Variants in TXNRD1 observed in about 807,000 individuals in gnomAD.
TXNRD1 encodes thioredoxin reductase 1, cytoplasmic.
Under a neutral mutation model 80.3 loss-of-function variants are expected in TXNRD1, and 57 were observed. The ratio of observed to expected loss-of-function variants is 0.71; its 90% CI spans 0.57 to 0.89. The LOEUF is 0.89. Among genes scored for constraint, TXNRD1 ranks in the 40% least tolerant of loss-of-function variants. The pLI is 0.00. For synonymous variants in TXNRD1, 291 were observed against 285.2 expected, an observed-to-expected ratio of 1.02 and a Z score of -0.20; for missense variants, 730 against 803.0, an observed-to-expected ratio of 0.91 and a Z score of 1.10.
At chr12:104,334,916 G>A (rs893987726) in intron 15 of TXNRD1, among the ~76,000 whole-genome samples, 1 of 151,976 alleles carries the variant, frequency 6.6e-6, no homozygotes, top group Non-Finnish European at 1.5e-5. Flanking sequence ...TATAGAAGAG[G>A]AACAATAAAG....
At chr12:104,286,586 G>GT (rs78816548) in intron 3 of TXNRD1, 4,737 of 314,312 alleles carry the variant, frequency 0.015, 3 homozygotes, top group Non-Finnish European at 0.019. Context: ...CACCTTTGGA[G>GT]TTTTTTTTTT....
chr12:104,230,760 TG>T (rs2135682947), intron 1 of TXNRD1, among the ~76,000 whole-genome samples: 1 of 152,220 alleles, frequency 6.6e-6, no homozygotes, highest in African/African-American at 2.4e-5. Context: ...AAACCCTGTG[TG>T]GGGCAGAAAA....
intron 16 of TXNRD1, among the ~76,000 whole-genome samples, chr12:104,340,901 G>A (rs4964784): frequency 0.91 from 137,957 of 152,196 alleles, 62,783 homozygotes; most frequent in African/African-American, 0.98. Context: ...AGCTTCAATA[G>A]CCATTTTTGA....
chr12:104,281,641 C>T (rs377129923), intron 3 of TXNRD1, among the ~76,000 whole-genome samples: 2 of 152,052 alleles, frequency 1.3e-5, no homozygotes, highest in African/African-American at 2.4e-5. Flanking sequence ...CTCCTGACCT[C>T]GTGATCCGCC....
At chr12:104,250,894 C>T (rs2033104582) in intron 1 of TXNRD1, among the ~76,000 whole-genome samples, 1 of 152,076 alleles carries the variant, frequency 6.6e-6, no homozygotes, top group African/African-American at 2.4e-5. Flanking sequence ...TGATGATGCC[C>T]AGGATGACAG....
chr12:104,283,639 G>A (rs1393675205), intron 3 of TXNRD1, among the ~76,000 whole-genome samples: 1 of 152,030 alleles, frequency 6.6e-6, no homozygotes, highest in Non-Finnish European at 1.5e-5. Context: ...GGGAGGCCGA[G>A]GCAGGCGGAT....
chr12:104,327,473 TAATG>T (rs1291011761), intron 12 of TXNRD1, 38 bp from the exon 13 acceptor site: 1 of 1,569,060 alleles, frequency 6.4e-7, no homozygotes, highest in South Asian at 1.2e-5. Context: ...CCTTAATTAA[TAATG>T]GTAATTAATG....
rs1275958595 is a variant in TXNRD1, at chr12:104,267,698, TTTCTCTCTTTC to T, written c.304+9622_304+9632del. Among the ~76,000 whole-genome samples the T allele has an allele frequency of 6.5e-4, 25 of 38,518 alleles. 1 individual carries two copies. The highest frequency in any genetic ancestry group is 2.4e-3 in the African/African-American group (25 of 10,216). 25.3% of individuals were successfully genotyped at this position (38,518 alleles called of 152,430 possible). On this transcript the variant is annotated intron_variant, in intron 3 of 16. Transcript: ENST00000525566. ...CTTTCTTTCTTTCTTTCTTTCTTTC[TTTCTCTCTTTC>T]TTTCTTTCTTTCTCTTTCTTTCTTT...
intron 4 of TXNRD1, among the ~76,000 whole-genome samples, chr12:104,308,122 A>C (rs1271982590): frequency 2.0e-5 from 3 of 151,746 alleles, no homozygotes; most frequent in Non-Finnish European, 4.4e-5. Flanking sequence ...CAGCCTCTCG[A>C]GTAGCTGGGA....
intron 3 of TXNRD1, among the ~76,000 whole-genome samples, chr12:104,267,717 CTTTCT>C (rs2033558200): frequency 3.8e-5 from 2 of 53,100 alleles, no homozygotes; most frequent in African/African-American, 1.2e-4. Flanking sequence ...TTCTTTCTTT[CTTTCT>C]CTTTCTTTCT....
At chr12:104,248,755 C>G (rs1401340658) in intron 1 of TXNRD1, among the ~76,000 whole-genome samples, 1 of 152,224 alleles carries the variant, frequency 6.6e-6, no homozygotes, top group Non-Finnish European at 1.5e-5. Flanking sequence ...CTGGTATACT[C>G]TGCAACAAAT....
intron 14 of TXNRD1, among the ~76,000 whole-genome samples, chr12:104,332,749 CAAAAAAAA>C (rs34106883): frequency 3.9e-5 from 3 of 76,730 alleles, no homozygotes; most frequent in African/African-American, 1.6e-4. Context: ...AACTCCGTCT[CAAAAAAAA>C]AAAAAAAAAA....
At chr12:104,215,976 G>A (rs1397275498) in intron 1 of TXNRD1, 83 bp downstream of exon 1, 1 of 1,222,776 alleles carries the variant, frequency 8.2e-7, no homozygotes, top group Non-Finnish European at 1.2e-6. Context: ...AAAGTGCCCC[G>A]GAGCCCTGGC....
At chr12:104,249,883 C>T (rs1488839556) in intron 1 of TXNRD1, among the ~76,000 whole-genome samples, 2 of 145,236 alleles carry the variant, frequency 1.4e-5, no homozygotes, top group African/African-American at 5.2e-5. Context: ...TGCAGTGAGG[C>T]CGAGATCGTG....
chr12:104,229,424 A>G (rs1019091727), intron 1 of TXNRD1, among the ~76,000 whole-genome samples: 13 of 151,718 alleles, frequency 8.6e-5, no homozygotes, highest in African/African-American at 2.4e-4. Flanking sequence ...ATTTCTTATA[A>G]GTGGAATCAT....
At chr12:104,304,790 A>C in intron 4 of TXNRD1, 3 of 1,614,032 alleles carry the variant, frequency 1.9e-6, no homozygotes, top group Non-Finnish European at 2.5e-6. Flanking sequence ...ATTAGAGCCG[A>C]TGAATGTTAA....
intron 10 of TXNRD1, among the ~76,000 whole-genome samples, chr12:104,321,787 T>C (rs548244283): frequency 2.0e-5 from 3 of 152,344 alleles, no homozygotes; most frequent in African/African-American, 7.2e-5. Flanking sequence ...TTTATTTATG[T>C]GTGCTAACCT....
At chr12:104,269,602 T>C (rs2033610045) in intron 3 of TXNRD1, among the ~76,000 whole-genome samples, 1 of 151,836 alleles carries the variant, frequency 6.6e-6, no homozygotes, top group Non-Finnish European at 1.5e-5. Context: ...GGAGTCTTGC[T>C]CTGTCCCCAG....
intron 2 of TXNRD1, among the ~76,000 whole-genome samples, chr12:104,252,103 A>G (rs2135704746): frequency 6.6e-6 from 1 of 151,712 alleles, no homozygotes; most frequent in South Asian, 2.1e-4. Flanking sequence ...ATGTAGGTGT[A>G]ACTTGCTTCA....
Sources: gnomAD v4.1 joint callset for allele counts (sites outside exome capture counted in the v4.1 genomes callset) on GRCh38, gnomAD v4.1.1 for gene constraint, MANE v1.5 for transcripts, NCBI Gene and HGNC (gene_info 2026-07-23, HGNC 2026-07-21) for gene names.